MPO: variants seen among roughly 807,000 people sequenced by gnomAD.
The protein encoded by MPO is myeloperoxidase.
In MPO, 57 loss-of-function variants were observed where a neutral mutation model predicts 69.4. The observed-to-expected ratio is 0.82, with a 90% CI of 0.66 to 1.02. MPO has a LOEUF of 1.02. Among genes scored for constraint, MPO ranks in the 50% least tolerant of loss-of-function variants. The pLI is 0.00. For synonymous variants in MPO, 426 were observed against 417.1 expected, an observed-to-expected ratio of 1.02 and a Z score of -0.26; for missense variants, 971 against 1,014.1, an observed-to-expected ratio of 0.96 and a Z score of 0.58.
In MPO at chr17:58,279,619, A is replaced by G; in HGVS notation, c.452T>C (p.Val151Ala). ...GGCGCAGCCGCTTGACTTGGACAAC[A>G]CATTCAGCTGGGCGGGCGTCAGCAC... ...TDVLTPAQLN[V>A]LSKSSGCAYQ... The change falls in exon 4 of 12, where the codon GTG becomes GCG. Residue 151 changes from valine to alanine, a missense_variant. Physicochemically the swap from Val to Ala is moderately conservative, Grantham distance 64 (BLOSUM62 0). Transcript: ENST00000225275. 6.2e-7 allele frequency: 1 copy of G among 1,614,122 alleles called. No homozygotes were observed. The highest frequency in any genetic ancestry group is 8.5e-7 in the Non-Finnish European group (1 of 1,180,036).
chr17:58,280,159 TG>T, intron 2 of MPO, 145 bp from the exon 3 acceptor site: 1 of 1,144,830 alleles, frequency 8.7e-7, no homozygotes, highest in Non-Finnish European at 1.3e-6. Context: ...GATATGGACC[TG>T]GGTGTCCAGA....
At chr17:58,280,058 A>G (rs1489578587) in intron 2 of MPO, 44 bp from the exon 3 acceptor site, 1 of 1,607,420 alleles carries the variant, frequency 6.2e-7, no homozygotes, top group South Asian at 1.1e-5. Context: ...AGGGATACAG[A>G]CCCACCCAGC....
At chr17:58,274,295 C>T (rs1029216098) in intron 8 of MPO, 1 of 454,208 alleles carries the variant, frequency 2.2e-6, no homozygotes, top group African/African-American at 2.0e-5. Flanking sequence ...GTTCTTAGTG[C>T]AAATCAAAAA....
Position 58,278,001 on chromosome 17 carries a change from C to G in MPO, c.1030G>C (p.Gly344Arg). Reference protein sequence around the residue: ...TSFVDASMVYGSEEPLARNLR... With the variant: ...TSFVDASMVYRSEEPLARNLR... The stretch of plus-strand genomic sequence containing the variant: ...TTCCTGGCCAGGGGCTCCTCGCTGC[C>G]GTACACCATGCTGGCGTCCACGAAG... The change falls in exon 7 of 12, where the codon GGC (glycine) becomes CGC (arginine). Residue 344 changes from glycine (G) to arginine (R), a missense_variant. Physicochemically the swap from Gly to Arg is moderately radical, Grantham distance 125 (BLOSUM62 -2). Coordinates refer to ENST00000225275, the MANE Select transcript of MPO (RefSeq NM_000250.2). 1 of 1,613,888 alleles carries G rather than the reference C, an allele frequency of 6.2e-7. No homozygotes were observed. The highest frequency in any genetic ancestry group is 8.5e-7 in the Non-Finnish European group (1 of 1,180,038).
At position 58,270,523 on chromosome 17, in the gene MPO, A is replaced by G. The variant is rs1298788594; in HGVS notation, c.*133T>C. The G allele has an allele frequency of 2.5e-6, 2 of 784,808 alleles. No homozygotes were observed. Among genetic ancestry groups the G allele is most frequent in the Non-Finnish European group, 4.4e-6 (2 of 452,106 alleles). The allele number at this position is 784,808 out of a possible 1,614,324, so 48.6% of individuals were successfully genotyped here. ...ACTTCGCACATACATGAGCACACAA[A>G]TGAACGTCTAGTCACTCATTTTCTC... On this transcript the variant is annotated 3_prime_UTR_variant, in exon 12 of 12. Transcript: ENST00000225275. The surrounding 1 kb of genome is among the most constrained non-coding windows in gnomAD (Gnocchi z 4.1).
intron 9 of MPO, among the ~76,000 whole-genome samples, 164 bp downstream of exon 9, chr17:58,273,250 A>G (rs1259378833): frequency 6.6e-6 from 1 of 152,116 alleles, no homozygotes; most frequent in Non-Finnish European, 1.5e-5. Context: ...GTTTATTATC[A>G]GATATGGAAG....
At position 58,280,872 on chromosome 17, in the gene MPO, C is replaced by T; in HGVS notation, c.-114G>A. 7.9e-7 allele frequency: 1 copy of T among 1,272,774 alleles called. No individual in the cohort carries two copies. The highest frequency in any genetic ancestry group is 1.1e-6 in the Non-Finnish European group (1 of 913,556). 78.8% of individuals were successfully genotyped at this position (1,272,774 alleles called of 1,614,324 possible). On this transcript the variant is annotated 5_prime_UTR_variant, in exon 1 of 12. Transcript: ENST00000225275. ...GGGAGGGGCTCACTGCTCTCTTATC[C>T]CCTTGCCAGCTGCTGTCATCCAGCT... is the stretch of plus-strand genomic sequence containing the variant.
At position 58,279,584 on chromosome 17, in the gene MPO, C is replaced by T. The variant is rs905262797; in HGVS notation, c.487G>A (p.Val163Met). 9 of 1,614,070 alleles carry T rather than the reference C, an allele frequency of 5.6e-6. No homozygotes were observed. The Admixed American group carries it at 1.3e-4, about 24-fold the overall frequency. ...TCCTGCTCCGGGCAAGTCACCCCCA[C>T]GTCCTGGTAGGCGCAGCCGCTTGAC... is the stretch of plus-strand genomic sequence containing the variant. The part of the protein sequence containing the change: ...SKSSGCAYQD[V>M]GVTCPEQDKY... The change falls in exon 4 of 12, where the codon GTG becomes ATG. Residue 163 changes from valine to methionine, a missense_variant. Val to Met is a conservative substitution (Grantham distance 21). Transcript: ENST00000225275.
At chr17:58,273,049 C>T in intron 9 of MPO, 131 bp from the exon 10 acceptor site, 2 of 1,182,750 alleles carry the variant, frequency 1.7e-6, no homozygotes, top group East Asian at 2.3e-5. Flanking sequence ...GTGCCTGGTG[C>T]CAAGGTGGTG....
At chr17:58,274,310 C>T (rs1385073706) in intron 8 of MPO, 2 of 449,464 alleles carry the variant, frequency 4.4e-6, no homozygotes, top group Non-Finnish European at 9.0e-6. Flanking sequence ...CAAAAACTCA[C>T]CCTTAGCACC....
rs570705929 is a variant in MPO at position 58,280,833 on chromosome 17, C to T, written c.-75G>A. The T allele has an allele frequency of 1.1e-5, 17 of 1,568,310 alleles. No homozygotes were observed. In the African/African-American group the frequency reaches 2.0e-4, roughly 19 times the overall value. On this transcript the variant is annotated 5_prime_UTR_variant, in exon 1 of 12. Transcript: ENST00000225275. ...CAGAGGGCCCTGTCTATGGATAAAGCCAGACCTCCTTGAGGGAGGGGCTCA... is the reference window on the plus strand; with the variant it reads ...CAGAGGGCCCTGTCTATGGATAAAGTCAGACCTCCTTGAGGGAGGGGCTCA...
chr17:58,274,319 C>T (rs1298631857), intron 8 of MPO: 9 of 445,532 alleles, frequency 2.0e-5, no homozygotes, highest in Non-Finnish European at 3.6e-5. Context: ...ACCCTTAGCA[C>T]CGAAAACTCT....
Position 58,273,449 on chromosome 17 carries a change from C to A in MPO, c.1586G>T (p.Arg529Met). 1 of 1,614,212 alleles carries A rather than the reference C, an allele frequency of 6.2e-7. No individual in the cohort carries two copies. The highest frequency in any genetic ancestry group is 8.5e-7 in the Non-Finnish European group (1 of 1,180,040). ...GACCCTCCAGGAGGCAAAAAAGACC[C>A]TGCTGAGGGGGACACGGGGGTTGGG... ...MEPNPRVPLS[R>M]VFFASWRVVL... The change falls in exon 9 of 12, where the codon AGG becomes ATG. Residue 529 changes from arginine (R) to methionine (M), a missense_variant. By Grantham distance (91) the Arg-to-Met change is moderately conservative (BLOSUM62 -1). Coordinates refer to ENST00000225275, the MANE Select transcript of MPO (RefSeq NM_000250.2).
chr17:58,271,580 G>A, intron 11 of MPO, 75 bp downstream of exon 11: 3 of 1,446,762 alleles, frequency 2.1e-6, no homozygotes, highest in Non-Finnish European at 2.9e-6. Context: ...ACTGACAGGA[G>A]GAAATTTGGG....
intron 4 of MPO, 29 bp from the exon 5 acceptor site, chr17:58,279,455 G>C (rs910279521): frequency 1.9e-6 from 3 of 1,611,856 alleles, no homozygotes; most frequent in Non-Finnish European, 2.5e-6. Context: ...CGCTGACACC[G>C]GGAGGCTTGT....
In MPO at chr17:58,272,737, C is replaced by T. The variant is rs1970382754; in HGVS notation, c.1792+11G>A. ...AGGTGAGCATCAGGGGAGACTCCTGCAGCCCCTCACCTGGGAGGCCGTGGT... is the reference window on the plus strand; with the variant it reads ...AGGTGAGCATCAGGGGAGACTCCTGTAGCCCCTCACCTGGGAGGCCGTGGT... On this transcript the variant is annotated intron_variant, in intron 10 of 11. Coordinates refer to ENST00000225275, the MANE Select transcript of MPO (RefSeq NM_000250.2). 1 of 1,612,370 alleles carries T rather than the reference C, an allele frequency of 6.2e-7. No individual in the cohort carries two copies. The highest frequency in any genetic ancestry group is 8.5e-7 in the Non-Finnish European group (1 of 1,179,420).
rs1970505836 is a variant in MPO, at chr17:58,280,595, G to A, written c.154+10C>T. 6.2e-7 allele frequency: 1 copy of A among 1,614,202 alleles called. No individual in the cohort carries two copies. Among genetic ancestry groups the A allele is most frequent in the Non-Finnish European group, 8.5e-7 (1 of 1,180,038 alleles). On this transcript the variant is annotated intron_variant, in intron 1 of 11. Transcript: ENST00000225275. Reference sequence around the variant, plus strand: ...AACACACCATCTTCTCCCACCTTGGGAACTGTTACCTGGAGCAGCACCTTC... The same window carrying A: ...AACACACCATCTTCTCCCACCTTGGAAACTGTTACCTGGAGCAGCACCTTC...
At chr17:58,274,690 C>A (rs1009139657) in intron 8 of MPO, among the ~76,000 whole-genome samples, 1 of 151,552 alleles carries the variant, frequency 6.6e-6, no homozygotes, top group African/African-American at 2.4e-5. Flanking sequence ...CGTGGTGGCC[C>A]GTGCTTGAAA....
At position 58,275,447 on chromosome 17, in the gene MPO, G is replaced by A. The variant is rs774207721; in HGVS notation, c.1365+95C>T. ...CAGCCTCATGGATGAAGAAGGCAAG[G>A]CTCAGGAGCGTTAGGAACTTGCCCA... On this transcript the variant is annotated intron_variant, in intron 8 of 11. Transcript: ENST00000225275. This position sits in a 1 kb window ranked among gnomAD's most constrained non-coding sequence, Gnocchi z 4.1. 2.0e-6 allele frequency: 3 copies of A among 1,500,340 alleles called. No individual in the cohort carries two copies. The highest frequency in any genetic ancestry group is 2.3e-5 in the East Asian group (1 of 44,264). The allele number at this position is 1,500,340 out of a possible 1,614,324, so 92.9% of individuals were successfully genotyped here.
Sources: allele counts gnomAD v4.1 joint callset (sites outside exome capture counted in the v4.1 genomes callset), GRCh38; gene constraint gnomAD v4.1.1; non-coding constraint Gnocchi (gnomAD v3.1); transcripts MANE v1.5; gene names NCBI Gene and HGNC (gene_info 2026-07-23, HGNC 2026-07-21).